CAMTA1: variants seen among roughly 807,000 people sequenced by gnomAD.
CAMTA1 encodes the protein calmodulin binding transcription activator 1.
CAMTA1 carries 27 observed loss-of-function variants against 170.9 expected under a neutral mutation model. The observed-to-expected ratio is 0.16, with a 90% confidence interval of 0.12 to 0.22. The LOEUF is 0.22. Ranked by LOEUF, CAMTA1 falls within the 10% of genes least tolerant of loss-of-function variation. CAMTA1 has a pLI of 1.00. For missense variants in CAMTA1, 1,619 were observed against 2,217.2 expected (o/e 0.73, Z 5.42); for synonymous variants, 833 against 891.5 (o/e 0.93, Z 1.17).
chr1:7,207,451 G>C (rs1194468828), intron 4 of CAMTA1, among the ~76,000 whole-genome samples: 7 of 152,168 alleles, frequency 4.6e-5, no homozygotes, highest in African/African-American at 1.2e-4. Flanking sequence ...TTTTCTTCTT[G>C]TTTTAAAAAG....
intron 3 of CAMTA1, among the ~76,000 whole-genome samples, chr1:6,826,638 A>C (rs185710381): frequency 2.6e-5 from 4 of 152,346 alleles, no homozygotes; most frequent in African/African-American, 9.6e-5. Context: ...TTTATTTATA[A>C]ATGTAACCCA....
chr1:7,676,734 G>A (rs1576780410), intron 10 of CAMTA1, among the ~76,000 whole-genome samples: 2 of 152,304 alleles, frequency 1.3e-5, no homozygotes, highest in East Asian at 3.9e-4. Flanking sequence ...GGCCTGGCGG[G>A]GCAGTGTGCA....
At chr1:7,632,633 A>T (rs1002332120) in intron 6 of CAMTA1, among the ~76,000 whole-genome samples, 1 of 152,262 alleles carries the variant, frequency 6.6e-6, no homozygotes, top group African/African-American at 2.4e-5. Context: ...TCCTGGCTCC[A>T]GGCCTCCTCC....
chr1:7,152,139 A>G (rs938570516), intron 4 of CAMTA1, among the ~76,000 whole-genome samples: 1 of 152,242 alleles, frequency 6.6e-6, no homozygotes, highest in Non-Finnish European at 1.5e-5. Flanking sequence ...ATCAGTCATT[A>G]GCTCTGACCT....
chr1:7,749,200 G>A (rs2096878023), intron 19 of CAMTA1, among the ~76,000 whole-genome samples: 1 of 152,114 alleles, frequency 6.6e-6, no homozygotes, highest in Admixed American at 6.6e-5. Flanking sequence ...ATGTGTAATG[G>A]TCACATAGAA....
intron 4 of CAMTA1, among the ~76,000 whole-genome samples, chr1:7,232,879 T>C (rs1261319229): frequency 6.6e-6 from 1 of 152,022 alleles, no homozygotes; most frequent in East Asian, 1.9e-4. Flanking sequence ...ACAAAATGAA[T>C]ATTGCCTTGT....
At chr1:7,652,660 G>C (rs954919208) in intron 7 of CAMTA1, among the ~76,000 whole-genome samples, 1 of 152,180 alleles carries the variant, frequency 6.6e-6, no homozygotes, top group Non-Finnish European at 1.5e-5. Flanking sequence ...CCAGCCCCTG[G>C]TGAAGGGGCC....
At chr1:7,281,939 C>T (rs1396117507) in intron 5 of CAMTA1, among the ~76,000 whole-genome samples, 1 of 152,012 alleles carries the variant, frequency 6.6e-6, no homozygotes, top group Admixed American at 6.6e-5. Context: ...CCATGTTCCT[C>T]CGCTTCTTGG....
intron 5 of CAMTA1, among the ~76,000 whole-genome samples, chr1:7,329,284 C>T (rs1412144403): frequency 6.6e-6 from 1 of 152,186 alleles, no homozygotes; most frequent in East Asian, 1.9e-4. Flanking sequence ...CAAACTATGA[C>T]TAAATGTTTT....
intron 6 of CAMTA1, among the ~76,000 whole-genome samples, chr1:7,495,799 A>C (rs1405267): frequency 0.69 from 104,713 of 152,174 alleles, 37,686 homozygotes; most frequent in African/African-American, 0.91. Flanking sequence ...AGACTGTGTC[A>C]TTTAAGCCAG....
At position 7,625,007 on chromosome 1, in the gene CAMTA1, G is replaced by A. The variant is rs557089996; in HGVS notation, c.511-15393G>A. Among the ~76,000 whole-genome samples, 6 of 152,348 alleles carry A rather than the reference G, an allele frequency of 3.9e-5. No homozygotes were observed. In the East Asian group the frequency reaches 1.2e-3, roughly 29 times the overall value. On this transcript the variant is annotated intron_variant, in intron 6 of 22. Transcript: ENST00000303635. The stretch of plus-strand genomic sequence containing the variant: ...GTGGGCAGGGCCAGTGGCAGAGCAG[G>A]CTGAATGGTCTGGTTGACTGAGCCA...
At chr1:7,209,738 T>C (rs1180813799) in intron 4 of CAMTA1, among the ~76,000 whole-genome samples, 2 of 152,170 alleles carry the variant, frequency 1.3e-5, no homozygotes, top group African/African-American at 4.8e-5. Context: ...TCCTTAGAGA[T>C]TTCCGAGTCA....
At position 7,548,490 on chromosome 1, in the gene CAMTA1, G is replaced by GC. The variant is rs1557896604; in HGVS notation, c.510+80593dup. Among the ~76,000 whole-genome samples the GC allele has an allele frequency of 1.5e-4, 15 of 100,756 alleles. 2 individuals are homozygous for GC. Among genetic ancestry groups the GC allele is most frequent in the African/African-American group, 3.2e-4 (7 of 21,712 alleles). The allele number at this position is 100,756 out of a possible 152,430, so 66.1% of individuals were successfully genotyped here. A position where few individuals can be genotyped will look rare whatever the true frequency, so the allele number is the denominator to read the frequency against. Reference sequence around the variant, plus strand: ...AGGAGTGGAGGTGCTGGTGGAGGGTGCCCCTTTAGGGGTGGAGGTGCTGGT... The same window carrying GC: ...AGGAGTGGAGGTGCTGGTGGAGGGTGCCCCCTTTAGGGGTGGAGGTGCTGGT... On this transcript the variant is annotated intron_variant, in intron 6 of 22. Coordinates refer to ENST00000303635, the MANE Select transcript of CAMTA1 (RefSeq NM_015215.4).
intron 6 of CAMTA1, among the ~76,000 whole-genome samples, chr1:7,615,488 C>T (rs1216757829): frequency 5.9e-5 from 9 of 152,220 alleles, no homozygotes; most frequent in Non-Finnish European, 1.0e-4. Context: ...TAAAATGGGA[C>T]TAAAAGCATT....
At chr1:7,502,002 G>C (rs1358499398) in intron 6 of CAMTA1, among the ~76,000 whole-genome samples, 1 of 152,232 alleles carries the variant, frequency 6.6e-6, no homozygotes, top group African/African-American at 2.4e-5. Context: ...GAGGAAGCTA[G>C]GGGATCCTCT....
chr1:7,606,928 G>A (rs912983567), intron 6 of CAMTA1, among the ~76,000 whole-genome samples: 4 of 152,358 alleles, frequency 2.6e-5, no homozygotes, highest in South Asian at 2.1e-4. Context: ...AAGTCATTGT[G>A]TGACCCTAGT....
At chr1:7,054,004 C>T (rs748039831) in intron 3 of CAMTA1, among the ~76,000 whole-genome samples, 1 of 152,238 alleles carries the variant, frequency 6.6e-6, no homozygotes, top group Non-Finnish European at 1.5e-5. Context: ...CTCTGCTGCA[C>T]ATGTGTCCTG....
In CAMTA1 at chr1:7,248,920, T is replaced by C. The variant is rs138510841; in HGVS notation, c.303-571T>C. On this transcript the variant is annotated intron_variant, in intron 4 of 22. Transcript: ENST00000303635. The surrounding 1 kb of genome is among the most constrained non-coding windows in gnomAD (Gnocchi z 4.0). The stretch of plus-strand genomic sequence containing the variant: ...GGAAAGAATCGGGTACTTAGCTTGC[T>C]TGAGAAGCAAGACCGCAGATGCTCT... Among the ~76,000 whole-genome samples the C allele has an allele frequency of 3.3e-5, 5 of 152,298 alleles. No homozygotes were observed. Among genetic ancestry groups the C allele is most frequent in the Admixed American group, 3.3e-4 (5 of 15,296 alleles).
intron 4 of CAMTA1, among the ~76,000 whole-genome samples, chr1:7,161,695 A>G (rs1004723498): frequency 2.0e-5 from 3 of 152,208 alleles, no homozygotes; most frequent in Non-Finnish European, 4.4e-5. Context: ...TAAGTCCAAT[A>G]AACCTCTTTC....
Sources: allele counts gnomAD v4.1 joint callset (sites outside exome capture counted in the v4.1 genomes callset), GRCh38; gene constraint gnomAD v4.1.1; non-coding constraint Gnocchi (gnomAD v3.1); transcripts MANE v1.5; gene names NCBI Gene and HGNC (gene_info 2026-07-23, HGNC 2026-07-21).